Variants in SLC35F4 observed in about 807,000 individuals in gnomAD.
SLC35F4 encodes chromosome 14 open reading frame 36.
SLC35F4 carries 24 observed loss-of-function variants against 44.2 expected under a neutral mutation model. That is an observed-to-expected ratio of 0.54 (90% CI 0.39 to 0.76). SLC35F4 has a LOEUF of 0.76. Ranked by LOEUF, SLC35F4 falls within the 30% of genes least tolerant of loss-of-function variation. The probability of loss-of-function intolerance (pLI) is 0.00; values close to 1 mark genes in which losing one functional copy is unlikely to be tolerated. For synonymous variants in SLC35F4, 238 were observed against 223.6 expected, an observed-to-expected ratio of 1.06 and a Z score of -0.57; for missense variants, 562 against 586.1, an observed-to-expected ratio of 0.96 and a Z score of 0.42.
At chr14:57,982,336 G>A (rs894466117), upstream of SLC35F4, 5 of 152,180 alleles carry the variant, frequency 3.3e-5, no homozygotes, top group Non-Finnish European at 7.3e-5. Context: ...TGGCTAAAAA[G>A]TTATAGGTAT....
At chr14:57,808,024 A>G (rs898022051) in intron 1 of SLC35F4, among the ~76,000 whole-genome samples, 2 of 151,758 alleles carry the variant, frequency 1.3e-5, no homozygotes, top group Non-Finnish European at 2.9e-5. Context: ...TCATGAACAC[A>G]GCACAAGAAA....
In SLC35F4 at chr14:57,578,325, G is replaced by GTTT. The variant is rs199785589; in HGVS notation, c.807+2886_807+2888dup. On this transcript the variant is annotated intron_variant, in intron 4 of 7. Coordinates refer to ENST00000556826, the MANE Select transcript of SLC35F4 (RefSeq NM_001306087.2). ...GATGACTGAAAGCATCCCTTTAACT[G>GTTT]TTTTTTTTTTTTTTTTTTTTTTTTT... Among the ~76,000 whole-genome samples the GTTT allele has an allele frequency of 3.0e-4, 13 of 43,168 alleles. 4 individuals carry two copies. The highest frequency in any genetic ancestry group is 7.2e-4 in the African/African-American group (9 of 12,562). 28.3% of individuals were successfully genotyped at this position (43,168 alleles called of 152,430 possible).
At chr14:57,936,440 C>A (rs1304181143) in intron 1 of SLC35F4, among the ~76,000 whole-genome samples, 1 of 152,168 alleles carries the variant, frequency 6.6e-6, no homozygotes, top group East Asian at 1.9e-4. Flanking sequence ...AGACTGGCAG[C>A]GCCACTGGTT....
chr14:57,924,875 G>A (rs1889522385), intron 1 of SLC35F4, among the ~76,000 whole-genome samples: 1 of 151,758 alleles, frequency 6.6e-6, no homozygotes, highest in Non-Finnish European at 1.5e-5. Context: ...TCAAACTCCT[G>A]GACTCAAGCA....
chr14:57,626,477 G>T (rs1356541482), intron 1 of SLC35F4, among the ~76,000 whole-genome samples: 2 of 151,910 alleles, frequency 1.3e-5, no homozygotes, highest in African/African-American at 2.4e-5. Context: ...TCTTTATCTG[G>T]GGTCCAGGGA....
In SLC35F4 at chr14:57,945,438, AATGT is replaced by A. The variant is rs1324925241; in HGVS notation, n.282+36471_282+36474del. 3.4e-4 allele frequency among the ~76,000 whole-genome samples: 26 copies of A among 75,448 alleles called. 8 individuals carry two copies. The East Asian group carries it at 0.02, about 59-fold the overall frequency. The allele number at this position is 75,448 out of a possible 152,430, so 49.5% of individuals were successfully genotyped here. A position where few individuals can be genotyped will look rare whatever the true frequency, so the allele number is the denominator to read the frequency against. On this transcript the variant is annotated intron_variant and non_coding_transcript_variant, in intron 1 of 1. Transcript: ENST00000556568. The stretch of plus-strand genomic sequence containing the variant: ...CTCTTTACCAGGTAAGAGCAATGAT[AATGT>A]GTGTGTGTGTGTGTGTGTGTGTGTG...
chr14:57,847,216 TTTGGGATCTCC>T (rs1479725174), intron 1 of SLC35F4, among the ~76,000 whole-genome samples: 1 of 152,236 alleles, frequency 6.6e-6, no homozygotes, highest in Non-Finnish European at 1.5e-5. Flanking sequence ...TTGGCTGCTC[TTTGGGATCTCC>T]TTGGAGCTTT....
At chr14:57,911,276 T>C (rs1889211544) in intron 1 of SLC35F4, among the ~76,000 whole-genome samples, 1 of 152,032 alleles carries the variant, frequency 6.6e-6, no homozygotes, top group Non-Finnish European at 1.5e-5. Flanking sequence ...TATCCTTGAT[T>C]TCCTTTACTT....
In SLC35F4 at chr14:57,891,979, A is replaced by G. The variant is rs919315445; in HGVS notation, n.282+89934T>C. 7.2e-5 allele frequency among the ~76,000 whole-genome samples: 11 copies of G among 152,242 alleles called. 1 individual carries two copies. Among genetic ancestry groups the G allele is most frequent in the Admixed American group, 7.2e-4 (11 of 15,280 alleles). On this transcript the variant is annotated intron_variant and non_coding_transcript_variant, in intron 1 of 1. Transcript: ENST00000556568. ...AAGTTCTACAAATTTATTATTTCTC[A>G]TACATATTGTTATAAAAGCAAATAA...
chr14:57,868,145 A>G (rs1888222181), upstream of SLC35F4, among the ~76,000 whole-genome samples: 1 of 152,246 alleles, frequency 6.6e-6, no homozygotes, highest in African/African-American at 2.4e-5. Flanking sequence ...CAATGTAAAC[A>G]TACCCGCAAG....
intron 1 of SLC35F4, among the ~76,000 whole-genome samples, chr14:57,931,019 G>T (rs74054812): frequency 2.6e-5 from 4 of 152,144 alleles, no homozygotes; most frequent in Non-Finnish European, 1.5e-5. Flanking sequence ...ATGGGAAAAT[G>T]AAGTATTAAA....
At chr14:57,751,838 A>C (rs1470067203) in intron 1 of SLC35F4, among the ~76,000 whole-genome samples, 2 of 152,166 alleles carry the variant, frequency 1.3e-5, no homozygotes, top group African/African-American at 4.8e-5. Context: ...TTTGGCCTTC[A>C]CTAAATTTTT....
chr14:57,839,105 C>T (rs1241300577), intron 1 of SLC35F4, among the ~76,000 whole-genome samples: 2 of 151,988 alleles, frequency 1.3e-5, no homozygotes, highest in Non-Finnish European at 2.9e-5. Flanking sequence ...ACAGATGTGG[C>T]CCCTGACCTC....
At chr14:57,708,207 A>T (rs2075726124) in intron 1 of SLC35F4, among the ~76,000 whole-genome samples, 1 of 152,170 alleles carries the variant, frequency 6.6e-6, no homozygotes, top group Non-Finnish European at 1.5e-5. Context: ...ATCTGGCTCA[A>T]CCAGTTCTGC....
intron 1 of SLC35F4, among the ~76,000 whole-genome samples, chr14:57,903,975 T>C (rs558196571): frequency 1.3e-5 from 2 of 152,366 alleles, no homozygotes; most frequent in African/African-American, 2.4e-5. Context: ...GGCTTAGAGA[T>C]TGAAGAATAT....
At chr14:57,581,728 G>C (rs1355345485) in intron 3 of SLC35F4, among the ~76,000 whole-genome samples, 1 of 152,208 alleles carries the variant, frequency 6.6e-6, no homozygotes, top group Non-Finnish European at 1.5e-5. Flanking sequence ...AGAGCCTGCA[G>C]AAATACCGAA....
At chr14:57,917,297 G>T (rs547467289) in intron 1 of SLC35F4, among the ~76,000 whole-genome samples, 181 of 152,284 alleles carry the variant, frequency 1.2e-3, no homozygotes, top group African/African-American at 4.1e-3. Flanking sequence ...CTGACCTTGT[G>T]ATCTGCCCAC....
intron 1 of SLC35F4, among the ~76,000 whole-genome samples, chr14:57,935,302 C>T (rs1247289643): frequency 6.6e-6 from 1 of 152,136 alleles, no homozygotes; most frequent in Non-Finnish European, 1.5e-5. Context: ...TGAACAGAAA[C>T]AGGAGAACTA....
chr14:57,684,071 C>G (rs1164133914), intron 1 of SLC35F4, among the ~76,000 whole-genome samples: 1 of 152,142 alleles, frequency 6.6e-6, no homozygotes, highest in Non-Finnish European at 1.5e-5. Flanking sequence ...CCGCAGGGCA[C>G]TCATGCCTCT....
Sources: allele counts gnomAD v4.1 joint callset (sites outside exome capture counted in the v4.1 genomes callset), GRCh38; gene constraint gnomAD v4.1.1; transcripts MANE v1.5; gene names NCBI Gene and HGNC (gene_info 2026-07-23, HGNC 2026-07-21).